Variants in PLEKHH2 observed in about 807,000 individuals in gnomAD.
The protein encoded by PLEKHH2 is pleckstrin homology, MyTH4 and FERM domain containing H2.
Under a neutral mutation model 187.9 loss-of-function variants are expected in PLEKHH2, and 129 were observed. That is an observed-to-expected ratio of 0.69 (90% CI 0.59 to 0.79). The LOEUF (loss-of-function observed/expected upper bound fraction) is 0.79, where lower values mean the gene tolerates loss of function less well. PLEKHH2 is among the 30% of genes least tolerant of loss of function. The pLI is 0.00. For synonymous variants in PLEKHH2, 686 were observed against 605.6 expected, an observed-to-expected ratio of 1.13 and a Z score of -1.95; for missense variants, 2,076 against 1,751.2, an observed-to-expected ratio of 1.19 and a Z score of -3.31.
chr2:43,649,322 A>G (rs1666354974), intron 2 of PLEKHH2, among the ~76,000 whole-genome samples: 1 of 152,202 alleles, frequency 6.6e-6, no homozygotes, highest in African/African-American at 2.4e-5. Context: ...TTGAAGTGAA[A>G]TGTTATTTCC....
chr2:43,700,141 C>G lies in PLEKHH2; in HGVS notation c.1183C>G (p.Leu395Val), dbSNP rs756158269. ...GAATAAAAAATTTCAATCCCAGAGA[C>G]TCGATTATTCATCTTCATCGAGTGA... ...ELNKKFQSQR[L>V]DYSSSSSEAN... The change falls in exon 8 of 30, where the codon CTC (leucine) becomes GTC (valine). Residue 395 changes from leucine to valine, a missense_variant. Coordinates refer to ENST00000282406, the MANE Select transcript of PLEKHH2 (RefSeq NM_172069.4). The G allele has an allele frequency of 1.9e-6, 3 of 1,614,014 alleles. No homozygotes were observed. Among genetic ancestry groups the G allele is most frequent in the Non-Finnish European group, 2.5e-6 (3 of 1,180,048 alleles).
rs768583728 is a variant in PLEKHH2, at chr2:43,710,110, G to C, written c.2087G>C (p.Ser696Thr). Residue 696 changes from serine to threonine, a missense_variant, in exon 12 of 30, where the codon AGT becomes ACT. Transcript: ENST00000282406. The stretch of plus-strand genomic sequence containing the variant: ...CTCCCAAAAACTTGCTCATCTTCCA[G>C]TGATAATGGGAAAAATGTAAATATT... ...QKLPKTCSSS[S>T]DNGKNEPLEK... 1.2e-6 allele frequency: 2 copies of C among 1,612,798 alleles called. No individual in the cohort carries two copies. The highest frequency in any genetic ancestry group is 8.5e-7 in the Non-Finnish European group (1 of 1,179,670).
At chr2:43,668,057 A>G (rs973102825) in intron 2 of PLEKHH2, among the ~76,000 whole-genome samples, 1 of 152,118 alleles carries the variant, frequency 6.6e-6, no homozygotes, top group Admixed American at 6.5e-5. Context: ...TTTTGAGATG[A>G]AGTCCGGCTC....
intron 2 of PLEKHH2, 86 bp downstream of exon 2, chr2:43,644,882 G>T: frequency 2.2e-6 from 3 of 1,345,276 alleles, no homozygotes; most frequent in Non-Finnish European, 3.0e-6. Flanking sequence ...GTACTTTGGG[G>T]GTTTGATTTA....
At chr2:43,722,386 C>T (rs1670525085) in intron 16 of PLEKHH2, among the ~76,000 whole-genome samples, 1 of 152,048 alleles carries the variant, frequency 6.6e-6, no homozygotes, top group South Asian at 2.1e-4. Flanking sequence ...CAATGAAGGT[C>T]AGAGAAGACA....
At chr2:43,692,896 G>T (rs187848884) in intron 4 of PLEKHH2, among the ~76,000 whole-genome samples, 1 of 152,092 alleles carries the variant, frequency 6.6e-6, no homozygotes, top group East Asian at 1.9e-4. Flanking sequence ...GAGAATGCTC[G>T]TTAATATTCA....
intron 8 of PLEKHH2, 48 bp from the exon 9 acceptor site, chr2:43,703,933 T>TTG: frequency 1.6e-6 from 1 of 643,256 alleles, no homozygotes; most frequent in Non-Finnish European, 2.5e-6. Flanking sequence ...TTTTTTTTTT[T>TTG]TTTTTTTTGC....
In PLEKHH2 at chr2:43,710,515, C is replaced by T. The variant is rs1669908071; in HGVS notation, c.2241C>T (p.Gly747=). ...SPSDVIRKPQ[G]HIELSASCSI... ...GTGATGTAATTAGAAAACCCCAGGG[C>T]CATATTGAACTTAGTGCATCCTGTA... The change falls in exon 14 of 30, where the codon GGC becomes GGT. Residue 747 remains glycine (G), a synonymous_variant. Coordinates refer to ENST00000282406, the MANE Select transcript of PLEKHH2 (RefSeq NM_172069.4). 6.3e-7 allele frequency: 1 copy of T among 1,597,998 alleles called. No homozygotes were observed. Among genetic ancestry groups the T allele is most frequent in the African/African-American group, 1.4e-5 (1 of 73,580 alleles).
intron 2 of PLEKHH2, chr2:43,675,971 C>G (rs755459740): frequency 3.5e-5 from 57 of 1,613,894 alleles, no homozygotes; most frequent in Non-Finnish European, 4.8e-5. Context: ...CTCATCTGTA[C>G]CCACCTGTCA....
intron 8 of PLEKHH2, among the ~76,000 whole-genome samples, chr2:43,703,102 G>A (rs113187526): frequency 2.8e-4 from 43 of 152,294 alleles, no homozygotes; most frequent in African/African-American, 9.9e-4. Context: ...AAATGTCCCT[G>A]ATAGTCGGAG....
intron 3 of PLEKHH2, among the ~76,000 whole-genome samples, chr2:43,683,024 A>G (rs557776030): frequency 3.3e-5 from 5 of 151,418 alleles, no homozygotes; most frequent in African/African-American, 1.2e-4. Flanking sequence ...ACTGCCCTCG[A>G]TGTCTCCTGT....
intron 19 of PLEKHH2, among the ~76,000 whole-genome samples, chr2:43,733,877 A>G (rs1357757294): frequency 6.6e-6 from 1 of 152,226 alleles, no homozygotes; most frequent in Non-Finnish European, 1.5e-5. Flanking sequence ...GAGTACACCA[A>G]TACCTAAAGC....
chr2:43,710,983 T>C (rs2104518153), intron 14 of PLEKHH2: 1 of 1,001,048 alleles, frequency 1.0e-6, no homozygotes, highest in African/African-American at 1.7e-5. Flanking sequence ...ACAGTTCTTA[T>C]ATGAACTTCA....
At chr2:43,737,385 A>T (rs1671345107) in intron 19 of PLEKHH2, among the ~76,000 whole-genome samples, 1 of 152,226 alleles carries the variant, frequency 6.6e-6, no homozygotes, top group African/African-American at 2.4e-5. Flanking sequence ...GATGGTAGAT[A>T]AGGACATTTC....
chr2:43,734,989 G>A (rs796772890), intron 19 of PLEKHH2, among the ~76,000 whole-genome samples: 3 of 152,038 alleles, frequency 2.0e-5, no homozygotes, highest in African/African-American at 7.2e-5. Context: ...TGGGGAGGCT[G>A]GTCTCTACTA....
intron 1 of PLEKHH2, among the ~76,000 whole-genome samples, chr2:43,642,472 C>A (rs1366888565): frequency 6.6e-6 from 1 of 151,872 alleles, no homozygotes; most frequent in East Asian, 1.9e-4. Context: ...ATTGTCTTGC[C>A]CTGGCTATTA....
intron 3 of PLEKHH2, chr2:43,681,530 C>T: frequency 2.0e-6 from 3 of 1,490,426 alleles, no homozygotes; most frequent in Non-Finnish European, 2.7e-6. Flanking sequence ...CAGAAATGTG[C>T]TTTGCGTATG....
intron 16 of PLEKHH2, among the ~76,000 whole-genome samples, chr2:43,725,321 A>G (rs1463649638): frequency 6.6e-6 from 1 of 152,026 alleles, no homozygotes; most frequent in African/African-American, 2.4e-5. Context: ...TAGCTTCTCT[A>G]TCTTAGTGTG....
At chr2:43,683,002 T>C (rs566048987) in intron 3 of PLEKHH2, among the ~76,000 whole-genome samples, 1 of 152,280 alleles carries the variant, frequency 6.6e-6, no homozygotes, top group South Asian at 2.1e-4. Context: ...CATTGTCTTT[T>C]TATGGACTTT....
Sources: allele counts gnomAD v4.1 joint callset (sites outside exome capture counted in the v4.1 genomes callset), GRCh38; gene constraint gnomAD v4.1.1; transcripts MANE v1.5; gene names NCBI Gene and HGNC (gene_info 2026-07-23, HGNC 2026-07-21).